The following NDFIP2 variants were observed in gnomAD, a reference collection of about 807,000 sequenced individuals.
The protein encoded by NDFIP2 is Nedd4 family interacting protein 2.
In NDFIP2, 19 loss-of-function variants were observed where a neutral mutation model predicts 36.0. That is an observed-to-expected ratio of 0.53 (90% CI 0.37 to 0.77). The LOEUF is 0.77. Ranked by LOEUF, NDFIP2 falls within the 30% of genes least tolerant of loss-of-function variation. The probability of loss-of-function intolerance (pLI) is 0.00; values close to 1 mark genes in which losing one functional copy is unlikely to be tolerated. For synonymous variants in NDFIP2, 181 were observed against 167.7 expected (o/e 1.08, Z -0.61); for missense variants, 446 against 435.8 (o/e 1.02, Z -0.21).
intron 1 of NDFIP2, among the ~76,000 whole-genome samples, chr13:79,517,274 G>A (rs1594849869): frequency 1.3e-5 from 2 of 152,042 alleles, no homozygotes; most frequent in Non-Finnish European, 2.9e-5. Context: ...GTATAAATAG[G>A]GCACAGAGCT....
chr13:79,547,488 T>G (rs372102027), intron 5 of NDFIP2, among the ~76,000 whole-genome samples: 21 of 152,198 alleles, frequency 1.4e-4, no homozygotes, highest in African/African-American at 5.1e-4. Context: ...AGTAATCATT[T>G]GAGGCATTGT....
intron 1 of NDFIP2, among the ~76,000 whole-genome samples, chr13:79,516,941 A>C (rs1416531679): frequency 1.3e-5 from 2 of 152,230 alleles, no homozygotes; most frequent in African/African-American, 4.8e-5. Flanking sequence ...TATAGGATAC[A>C]TGCCAATAAA....
intron 1 of NDFIP2, among the ~76,000 whole-genome samples, chr13:79,502,501 G>A (rs1482403073): frequency 6.6e-6 from 1 of 152,118 alleles, no homozygotes; most frequent in African/African-American, 2.4e-5. Context: ...ACTCTTTAAA[G>A]TTGGCTGAGG....
rs1409813865 is a variant in NDFIP2 at position 79,481,335 on chromosome 13, A to G, written c.132A>G (p.Thr44=). Reference sequence around the variant, plus strand: ...TCTCGGCGGCCGCTGCGGGAGCCACAGGAAGTGAAGAGCTTCCGCCGGGAG... The same window carrying G: ...TCTCGGCGGCCGCTGCGGGAGCCACGGGAAGTGAAGAGCTTCCGCCGGGAG... ...AEVSAAAAGA[T]GSEELPPGDR... is the part of the protein sequence containing the mutation. Residue 44 remains threonine (T), a synonymous_variant, in exon 1 of 8, where the codon ACA becomes ACG. Coordinates refer to ENST00000218652, the MANE Select transcript of NDFIP2 (RefSeq NM_019080.3). 6.5e-7 allele frequency: 1 copy of G among 1,547,414 alleles called. No homozygotes were observed. Among genetic ancestry groups the G allele is most frequent in the East Asian group, 2.4e-5 (1 of 41,210 alleles).
At chr13:79,516,244 T>TTTTTGTTTTG (rs111237476) in intron 1 of NDFIP2, among the ~76,000 whole-genome samples, 11 of 151,762 alleles carry the variant, frequency 7.2e-5, no homozygotes, top group African/African-American at 2.7e-4. Context: ...AGTAAAAAAG[T>TTTTTGTTTTG]TTTTGTTTTG....
chr13:79,508,707 C>T (rs1178251295), intron 1 of NDFIP2, among the ~76,000 whole-genome samples: 1 of 152,166 alleles, frequency 6.6e-6, no homozygotes, highest in South Asian at 2.1e-4. Context: ...CTTGTGCCAA[C>T]CTTTTATCTC....
intron 2 of NDFIP2, among the ~76,000 whole-genome samples, chr13:79,530,412 C>T (rs1594854742): frequency 1.3e-5 from 2 of 152,178 alleles, no homozygotes; most frequent in South Asian, 4.1e-4. Flanking sequence ...CTGCTGTGCC[C>T]AGCTCCAGCT....
Position 79,481,560 on chromosome 13 carries a change from C to T in NDFIP2, c.321+36C>T, listed in dbSNP as rs918878791. 9 of 1,518,420 alleles carry T rather than the reference C, an allele frequency of 5.9e-6. No individual in the cohort carries two copies. The African/African-American group carries it at 1.1e-4, about 19-fold the overall frequency. The allele number at this position is 1,518,420 out of a possible 1,614,324, so 94.1% of individuals were successfully genotyped here. ...GGCCTCCTGTGCCTCCCGGGACTGCCTCCCGCCGCGGCGTCCCGAGAGTCC... is the reference window on the plus strand; with the variant it reads ...GGCCTCCTGTGCCTCCCGGGACTGCTTCCCGCCGCGGCGTCCCGAGAGTCC... On this transcript the variant is annotated intron_variant, in intron 1 of 7. Transcript: ENST00000218652.
intron 4 of NDFIP2, among the ~76,000 whole-genome samples, chr13:79,541,839 T>TAA (rs917814571): frequency 1.3e-5 from 2 of 152,196 alleles, no homozygotes; most frequent in African/African-American, 2.4e-5. Flanking sequence ...TTTGGTGGCT[T>TAA]AATTCTTTCC....
chr13:79,491,759 T>G (rs886742417), intron 1 of NDFIP2, among the ~76,000 whole-genome samples: 8 of 152,190 alleles, frequency 5.3e-5, no homozygotes. Context: ...GTAAATTTAC[T>G]GACAAGATCA....
Position 79,553,563 on chromosome 13 carries a change from C to T in NDFIP2, c.*1050C>T, listed in dbSNP as rs983364186. ...ATTTTTTAGAGTTTAATTTGTAAAG[C>T]TTAGCAAATAAAATCTTGTACTATG... On this transcript the variant is annotated 3_prime_UTR_variant, in exon 8 of 8. Coordinates refer to ENST00000218652, the MANE Select transcript of NDFIP2 (RefSeq NM_019080.3). The T allele has an allele frequency of 6.6e-6, 1 of 151,526 alleles. No individual in the cohort carries two copies. The highest frequency in any genetic ancestry group is 6.6e-5 in the Admixed American group (1 of 15,176). 9.4% of individuals were successfully genotyped at this position (151,526 alleles called of 1,614,324 possible). A position where few individuals can be genotyped will look rare whatever the true frequency, so the allele number is the denominator to read the frequency against.
chr13:79,537,049 AT>A (rs78520083), intron 3 of NDFIP2, among the ~76,000 whole-genome samples: 4,745 of 146,746 alleles, frequency 0.032, 192 homozygotes, highest in African/African-American at 0.095. Context: ...TCTTGTCTTA[AT>A]TTTTTTTTTT....
intron 5 of NDFIP2, among the ~76,000 whole-genome samples, chr13:79,546,062 C>G (rs1051994362): frequency 6.6e-6 from 1 of 152,152 alleles, no homozygotes; most frequent in African/African-American, 2.4e-5. Flanking sequence ...TGACATCTAC[C>G]TTGGTCTCAA....
At chr13:79,481,979 T>C (rs1157837563) in intron 1 of NDFIP2, among the ~76,000 whole-genome samples, 2 of 152,050 alleles carry the variant, frequency 1.3e-5, no homozygotes, top group Non-Finnish European at 2.9e-5. Flanking sequence ...GTGTAAGTAC[T>C]GCGTGGGGTG....
chr13:79,488,975 A>G (rs900068544), intron 1 of NDFIP2, among the ~76,000 whole-genome samples: 2 of 152,194 alleles, frequency 1.3e-5, no homozygotes, highest in African/African-American at 2.4e-5. Flanking sequence ...AGATAATGTC[A>G]TTATCCTCAA....
At chr13:79,525,094 ACC>A (rs1874739110) in intron 2 of NDFIP2, among the ~76,000 whole-genome samples, 1 of 152,144 alleles carries the variant, frequency 6.6e-6, no homozygotes, top group Non-Finnish European at 1.5e-5. Context: ...TTTAGTCCAA[ACC>A]TAATCCTCAA....
chr13:79,533,110 G>A (rs1026499439), intron 2 of NDFIP2, among the ~76,000 whole-genome samples: 1 of 151,940 alleles, frequency 6.6e-6, no homozygotes, highest in Non-Finnish European at 1.5e-5. Flanking sequence ...GCCTTTAAAC[G>A]GTATTTATCC....
intron 1 of NDFIP2, among the ~76,000 whole-genome samples, chr13:79,485,442 A>G (rs1432478733): frequency 6.6e-6 from 1 of 152,224 alleles, no homozygotes; most frequent in Non-Finnish European, 1.5e-5. Flanking sequence ...CATGTTCTGG[A>G]TGAGATAATG....
intron 3 of NDFIP2, among the ~76,000 whole-genome samples, chr13:79,537,348 T>A (rs933731475): frequency 6.6e-6 from 1 of 152,074 alleles, no homozygotes; most frequent in Non-Finnish European, 1.5e-5. Flanking sequence ...TGACTTCAAG[T>A]GATCCACCCA....
Sources: allele counts gnomAD v4.1 joint callset (sites outside exome capture counted in the v4.1 genomes callset), GRCh38; gene constraint gnomAD v4.1.1; transcripts MANE v1.5; gene names NCBI Gene and HGNC (gene_info 2026-07-23, HGNC 2026-07-21).